Variants in FAM174A observed in about 807,000 individuals in gnomAD.
The protein encoded by FAM174A is family with sequence similarity 174 member A.
Under a neutral mutation model 14.3 loss-of-function variants are expected in FAM174A, and 14 were observed. The ratio of observed to expected loss-of-function variants is 0.98; its 90% CI spans 0.65 to 1.53. The LOEUF (loss-of-function observed/expected upper bound fraction) is 1.53. Ranked by LOEUF, FAM174A falls within the 40% of genes most tolerant of loss-of-function variation. The pLI is 0.00. For synonymous variants in FAM174A, 108 were observed against 111.4 expected, an observed-to-expected ratio of 0.97 and a Z score of 0.19; for missense variants, 241 against 249.6, an observed-to-expected ratio of 0.97 and a Z score of 0.23.
intron 2 of FAM174A, among the ~76,000 whole-genome samples, chr5:100,578,981 G>A (rs893624231): frequency 4.6e-5 from 7 of 152,096 alleles, no homozygotes; most frequent in Admixed American, 1.3e-4. Context: ...AGCAGCATGC[G>A]TAGCCCATGT....
Position 100,586,419 on chromosome 5 carries a change from A to G in FAM174A, c.*235A>G, listed in dbSNP as rs1747127219. The G allele has an allele frequency of 7.1e-6, 2 of 280,838 alleles. No individual in the cohort carries two copies. Among genetic ancestry groups the G allele is most frequent in the Non-Finnish European group, 1.3e-5 (2 of 149,548 alleles). 17.4% of individuals were successfully genotyped at this position (280,838 alleles called of 1,614,324 possible). On this transcript the variant is annotated 3_prime_UTR_variant, in exon 3 of 3. Transcript: ENST00000312637. ...TGTTGGGGATAAAGTATACTGTAAT[A>G]ATTTATCTGTTTGAAAATTACTATA...
chr5:100,553,499 CAA>C (rs1239336274), intron 1 of FAM174A, among the ~76,000 whole-genome samples: 1 of 151,974 alleles, frequency 6.6e-6, no homozygotes, highest in South Asian at 2.1e-4. Context: ...TTGGACTGAG[CAA>C]AGACATTTTT....
intron 2 of FAM174A, among the ~76,000 whole-genome samples, chr5:100,566,180 A>ATGTAC (rs371669507): frequency 1.3e-4 from 15 of 113,376 alleles, no homozygotes; most frequent in African/African-American, 3.9e-4. Context: ...ATGTACATAT[A>ATGTAC]ATATATATAA....
At chr5:100,550,337 G>A (rs559275081) in intron 1 of FAM174A, among the ~76,000 whole-genome samples, 17 of 152,046 alleles carry the variant, frequency 1.1e-4, no homozygotes, top group Non-Finnish European at 2.1e-4. Context: ...TTTAAATTTG[G>A]CTAGCTCCCT....
intron 2 of FAM174A, among the ~76,000 whole-genome samples, chr5:100,572,205 GT>G (rs1425257378): frequency 8.5e-6 from 1 of 118,050 alleles, no homozygotes; most frequent in Non-Finnish European, 1.9e-5. Context: ...TCAAGTAAAG[GT>G]TTTTTTTTCT....
chr5:100,575,332 G>A (rs935321922), intron 2 of FAM174A, among the ~76,000 whole-genome samples: 29 of 152,008 alleles, frequency 1.9e-4, no homozygotes, highest in African/African-American at 6.8e-4. Context: ...TACATATGCC[G>A]TGTTGGTGTG....
intron 1 of FAM174A, among the ~76,000 whole-genome samples, chr5:100,555,518 C>T (rs868313432): frequency 1.9e-4 from 29 of 152,020 alleles, no homozygotes; most frequent in East Asian, 7.7e-4. Context: ...ACTTCCACAA[C>T]GGTTGAACTA....
At chr5:100,555,469 G>C (rs1746355980) in intron 1 of FAM174A, among the ~76,000 whole-genome samples, 1 of 152,058 alleles carries the variant, frequency 6.6e-6, no homozygotes, top group African/African-American at 2.4e-5. Flanking sequence ...GGGTCAAATG[G>C]TATTTCTAGT....
chr5:100,562,336 C>T, intron 2 of FAM174A, 148 bp downstream of exon 2: 1 of 614,716 alleles, frequency 1.6e-6, no homozygotes. Context: ...TGCTATCTAC[C>T]CCATAGCTCA....
intron 1 of FAM174A, among the ~76,000 whole-genome samples, chr5:100,543,889 T>TG (rs1480652419): frequency 2.0e-5 from 3 of 152,356 alleles, no homozygotes; most frequent in African/African-American, 7.2e-5. Flanking sequence ...TGTACTCTAC[T>TG]GGGAAATCTC....
chr5:100,581,798 C>G (rs1464491407), intron 2 of FAM174A, among the ~76,000 whole-genome samples: 1 of 152,084 alleles, frequency 6.6e-6, no homozygotes, highest in African/African-American at 2.4e-5. Context: ...ATGAAATACT[C>G]TAAATGAGAG....
intron 1 of FAM174A, among the ~76,000 whole-genome samples, chr5:100,541,794 A>G (rs1315221657): frequency 6.6e-6 from 1 of 152,132 alleles, no homozygotes; most frequent in East Asian, 1.9e-4. Flanking sequence ...ACTCATGCAG[A>G]AGATGGTTAA....
chr5:100,573,644 T>C (rs1426512850), intron 2 of FAM174A, among the ~76,000 whole-genome samples: 1 of 150,490 alleles, frequency 6.6e-6, no homozygotes, highest in Non-Finnish European at 1.5e-5. Flanking sequence ...AAAATGGCCA[T>C]ACTGCCCAAG....
At chr5:100,577,276 G>A (rs1173613664) in intron 2 of FAM174A, among the ~76,000 whole-genome samples, 2 of 151,742 alleles carry the variant, frequency 1.3e-5, no homozygotes, top group African/African-American at 4.8e-5. Flanking sequence ...ATAAACTAGA[G>A]GACATTTTGA....
intron 2 of FAM174A, among the ~76,000 whole-genome samples, chr5:100,566,864 C>A (rs1746664414): frequency 6.6e-6 from 1 of 151,766 alleles, no homozygotes; most frequent in African/African-American, 2.4e-5. Context: ...ACAAGGGAAA[C>A]TTTGATTACA....
At chr5:100,571,691 TACAC>T (rs1554047766) in intron 2 of FAM174A, among the ~76,000 whole-genome samples, 4 of 146,600 alleles carry the variant, frequency 2.7e-5, no homozygotes, top group African/African-American at 9.9e-5. Context: ...TATATATATA[TACAC>T]ACACACACCC....
At chr5:100,583,624 A>G (rs971102969) in intron 2 of FAM174A, among the ~76,000 whole-genome samples, 12 of 149,064 alleles carry the variant, frequency 8.1e-5, no homozygotes, top group Non-Finnish European at 1.5e-4. Flanking sequence ...TCATCTTGAC[A>G]TCTTTTATTA....
chr5:100,562,135 A>G lies in FAM174A; in HGVS notation c.516A>G (p.Glu172=). The G allele has an allele frequency of 6.3e-7, 1 of 1,590,024 alleles. No individual in the cohort carries two copies. The highest frequency in any genetic ancestry group is 8.5e-7 in the Non-Finnish European group (1 of 1,170,372). Residue 172 remains glutamate, a synonymous_variant, in exon 2 of 3, where the codon GAA becomes GAG. Coordinates refer to ENST00000312637, the MANE Select transcript of FAM174A (RefSeq NM_198507.3). The part of the protein sequence containing the change: ...NIENMELTPL[E]QDDEDDDNTL... ...AAAATATGGAATTGACACCTTTAGA[A>G]CAGGATGATGAGGATGATGACAACA...
intron 2 of FAM174A, among the ~76,000 whole-genome samples, chr5:100,573,190 C>T (rs1017475924): frequency 8.6e-5 from 13 of 151,944 alleles, no homozygotes; most frequent in African/African-American, 2.9e-4. Context: ...AATTTTCTCC[C>T]ATTTTGTAGG....
Sources: allele counts gnomAD v4.1 joint callset (sites outside exome capture counted in the v4.1 genomes callset), GRCh38; gene constraint gnomAD v4.1.1; transcripts MANE v1.5; gene names NCBI Gene and HGNC (gene_info 2026-07-23, HGNC 2026-07-21).